The following NRXN3 variants were observed in gnomAD, a reference collection of about 807,000 sequenced individuals.
NRXN3 encodes the protein neurexin III.
Under a neutral mutation model 137.6 loss-of-function variants are expected in NRXN3, and 32 were observed. The observed-to-expected ratio is 0.23, with a 90% CI of 0.18 to 0.31. NRXN3 has a LOEUF of 0.31. NRXN3 is among the 10% of genes least tolerant of loss of function. The probability of loss-of-function intolerance (pLI) is 1.00; values close to 1 mark genes in which losing one functional copy is unlikely to be tolerated. For synonymous variants in NRXN3, 798 were observed against 784.5 expected (o/e 1.02, Z -0.29); for missense variants, 1,574 against 2,062.5 (o/e 0.76, Z 4.59).
intron 14 of NRXN3, among the ~76,000 whole-genome samples, chr14:78,977,367 T>G (rs2099471381): frequency 6.6e-6 from 1 of 152,154 alleles, no homozygotes; most frequent in Non-Finnish European, 1.5e-5. Context: ...TACCTCTTTT[T>G]TTGTTGTTGT....
chr14:78,757,750 T>C lies in NRXN3; in HGVS notation c.2044+42611T>C, dbSNP rs187346998. Among the ~76,000 whole-genome samples, 30 of 152,336 alleles carry C rather than the reference T, an allele frequency of 2.0e-4. No homozygotes were observed. The East Asian group carries it at 4.2e-3, about 22-fold the overall frequency. The stretch of plus-strand genomic sequence containing the variant: ...AATGTGAATAAATTCTGGGGTTTGG[T>C]TAATGGTAATATGCCATTGTTAATT... On this transcript the variant is annotated intron_variant, in intron 8 of 20. Coordinates refer to ENST00000335750, the MANE Select transcript of NRXN3 (RefSeq NM_001330195.2).
At chr14:78,963,016 C>T (rs975635674) in intron 11 of NRXN3, among the ~76,000 whole-genome samples, 1 of 152,118 alleles carries the variant, frequency 6.6e-6, no homozygotes, top group African/African-American at 2.4e-5. Context: ...CCTTCTCCCC[C>T]TCCCCTCACC....
At chr14:79,230,403 T>G (rs1014933010) in intron 15 of NRXN3, among the ~76,000 whole-genome samples, 2 of 152,138 alleles carry the variant, frequency 1.3e-5, no homozygotes, top group African/African-American at 2.4e-5. Context: ...ATCAGCATCT[T>G]ACCTACATAA....
intron 10 of NRXN3, among the ~76,000 whole-genome samples, chr14:78,839,675 C>T (rs1194927714): frequency 6.6e-6 from 1 of 152,106 alleles, no homozygotes; most frequent in African/African-American, 2.4e-5. Flanking sequence ...TGTTCACCAC[C>T]CTCTCTGCCA....
At position 78,238,240 on chromosome 14, in the gene NRXN3, T is replaced by G. The variant is rs147931188; in HGVS notation, c.-703-4151T>G. Among the ~76,000 whole-genome samples the G allele has an allele frequency of 1.3e-3, 199 of 150,548 alleles. 4 individuals carry two copies. In the East Asian group the frequency reaches 0.032, roughly 24 times the overall value. On this transcript the variant is annotated intron_variant, in intron 1 of 20. Transcript: ENST00000335750. ...TAAAAAGTGTGCCGTTCGATAATTATGTAAATTAGCTGACAATTAGATAAT... is the reference window on the plus strand; with the variant it reads ...TAAAAAGTGTGCCGTTCGATAATTAGGTAAATTAGCTGACAATTAGATAAT...
At chr14:78,174,997 C>A (rs1005927451) in intron 1 of NRXN3, among the ~76,000 whole-genome samples, 1 of 152,126 alleles carries the variant, frequency 6.6e-6, no homozygotes, top group Admixed American at 6.5e-5. Flanking sequence ...ACCTCTTGGG[C>A]GGCTCGGCCT....
At chr14:78,393,029 A>C (rs1035611486) in intron 4 of NRXN3, among the ~76,000 whole-genome samples, 1 of 152,162 alleles carries the variant, frequency 6.6e-6, no homozygotes, top group Non-Finnish European at 1.5e-5. Context: ...GTTAGGAGAA[A>C]GGAAGTTCTG....
At chr14:79,190,381 A>T (rs2064129748) in intron 15 of NRXN3, among the ~76,000 whole-genome samples, 1 of 152,174 alleles carries the variant, frequency 6.6e-6, no homozygotes, top group Non-Finnish European at 1.5e-5. Context: ...TGAAAAAATG[A>T]ATTTAAGTCT....
Position 79,226,442 on chromosome 14 carries a change from C to T in NRXN3, c.3262+238301C>T, listed in dbSNP as rs150834706. On this transcript the variant is annotated intron_variant, in intron 15 of 20. Transcript: ENST00000335750. ...CTTATCTTCAGGGCTATTTTTTGGC[C>T]CTAACTTTGAGCACATTAATTTTGA... 2.0e-3 allele frequency among the ~76,000 whole-genome samples: 306 copies of T among 152,080 alleles called. 2 individuals carry two copies. Among genetic ancestry groups the T allele is most frequent in the Middle Eastern group, 3.4e-3 (1 of 292 alleles).
chr14:79,193,793 G>C (rs1443172697), intron 15 of NRXN3, among the ~76,000 whole-genome samples: 2 of 152,182 alleles, frequency 1.3e-5, no homozygotes, highest in Admixed American at 1.3e-4. Flanking sequence ...CATGAGTAAA[G>C]TGTTTTCTAA....
Position 79,610,094 on chromosome 14 carries a change from TA to T in NRXN3, c.3445-53679del, listed in dbSNP as rs2098080830. Among the ~76,000 whole-genome samples the T allele has an allele frequency of 4.6e-5, 7 of 151,766 alleles. No individual in the cohort carries two copies. In the South Asian group the frequency reaches 1.5e-3, roughly 32 times the overall value. On this transcript the variant is annotated intron_variant, in intron 16 of 20. Coordinates refer to ENST00000335750, the MANE Select transcript of NRXN3 (RefSeq NM_001330195.2). ...TACATGTATCCCAGAACTTAAAGTA[TA>T]AAAATGAGAAAAAAAGATGCACAAA...
chr14:78,282,110 G>A (rs752679401), intron 3 of NRXN3: 3 of 499,018 alleles, frequency 6.0e-6, no homozygotes, highest in Non-Finnish European at 1.2e-5. Flanking sequence ...CCTATCCAAG[G>A]CCATGTTACC....
chr14:78,836,385 T>C (rs181922093), intron 10 of NRXN3, among the ~76,000 whole-genome samples: 9 of 152,292 alleles, frequency 5.9e-5, no homozygotes, highest in Admixed American at 5.9e-4. Flanking sequence ...GGCTATTCAG[T>C]GAAGTATAAG....
chr14:78,637,559 A>G (rs1291556645), intron 4 of NRXN3, among the ~76,000 whole-genome samples: 1 of 152,226 alleles, frequency 6.6e-6, no homozygotes, highest in Non-Finnish European at 1.5e-5. Flanking sequence ...AATATGTACT[A>G]TGGTTATTCC....
At chr14:79,301,465 C>G (rs1231745260) in intron 15 of NRXN3, among the ~76,000 whole-genome samples, 1 of 151,940 alleles carries the variant, frequency 6.6e-6, no homozygotes, top group Admixed American at 6.6e-5. Context: ...ACCTGCGCTG[C>G]TCGTATTATT....
At chr14:78,809,056 G>A (rs1272413489) in intron 9 of NRXN3, among the ~76,000 whole-genome samples, 1 of 152,126 alleles carries the variant, frequency 6.6e-6, no homozygotes. Context: ...GAACCGGGCA[G>A]CTTGGTAACA....
intron 2 of NRXN3, among the ~76,000 whole-genome samples, chr14:78,260,864 T>C (rs1287678686): frequency 6.6e-6 from 1 of 152,220 alleles, no homozygotes; most frequent in Non-Finnish European, 1.5e-5. Flanking sequence ...ACAAGTCTTA[T>C]GATTTATTCC....
At chr14:79,744,864 G>A (rs1384395009) in intron 19 of NRXN3, among the ~76,000 whole-genome samples, 5 of 152,036 alleles carry the variant, frequency 3.3e-5, no homozygotes, top group African/African-American at 7.2e-5. Context: ...TAGGAACCAC[G>A]GTCCTGAAGT....
rs764640398 is a variant in NRXN3, at chr14:79,026,950, TTATATATATATATATATATATATATA to T, written c.3262+38839_3262+38864del. Among the ~76,000 whole-genome samples the T allele has an allele frequency of 4.7e-3, 630 of 135,112 alleles. 20 individuals are homozygous for T. Among genetic ancestry groups the T allele is most frequent in the East Asian group, 0.025 (120 of 4,758 alleles). The allele number at this position is 135,112 out of a possible 152,430, so 88.6% of individuals were successfully genotyped here. A position where few individuals can be genotyped will look rare whatever the true frequency, so the allele number is the denominator to read the frequency against. ...ATATATATATATAACTATTATAATT[TTATATATATATATATATATATATATA>T]TATATATATATATATATATATATAT... is the stretch of plus-strand genomic sequence containing the variant. On this transcript the variant is annotated intron_variant, in intron 15 of 20. Transcript: ENST00000335750.
Sources: gnomAD v4.1 joint callset for allele counts (sites outside exome capture counted in the v4.1 genomes callset) on GRCh38, gnomAD v4.1.1 for gene constraint, MANE v1.5 for transcripts, NCBI Gene and HGNC (gene_info 2026-07-23, HGNC 2026-07-21) for gene names.